The following BLOC1S5 variants were observed in gnomAD, a reference collection of about 807,000 sequenced individuals.
The protein encoded by BLOC1S5 is biogenesis of lysosomal organelles complex 1 subunit 5.
In BLOC1S5, 27 loss-of-function variants were observed where a neutral mutation model predicts 24.3. That is an observed-to-expected ratio of 1.11 (90% CI 0.82 to 1.53). BLOC1S5 has a LOEUF of 1.53. Among genes scored for constraint, BLOC1S5 ranks in the 40% most tolerant of loss-of-function variants. BLOC1S5 has a pLI of 0.00. For synonymous variants in BLOC1S5, 84 were observed against 74.5 expected, an observed-to-expected ratio of 1.13 and a Z score of -0.66; for missense variants, 239 against 229.4, an observed-to-expected ratio of 1.04 and a Z score of -0.27.
intron 3 of BLOC1S5, among the ~76,000 whole-genome samples, chr6:8,035,862 T>G (rs895871916): frequency 6.6e-6 from 1 of 152,094 alleles, no homozygotes; most frequent in Non-Finnish European, 1.5e-5. Context: ...ATTGGAGAGT[T>G]CAACTACAAA....
intron 3 of BLOC1S5, among the ~76,000 whole-genome samples, chr6:8,037,756 C>T (rs1371056863): frequency 6.6e-6 from 1 of 152,140 alleles, no homozygotes; most frequent in Non-Finnish European, 1.5e-5. Flanking sequence ...ACCAAATCAG[C>T]ATGATACCAG....
chr6:8,023,195 A>G (rs1762986889), intron 4 of BLOC1S5, among the ~76,000 whole-genome samples: 1 of 152,218 alleles, frequency 6.6e-6, no homozygotes, highest in African/African-American at 2.4e-5. Flanking sequence ...TATTGCTAAT[A>G]CCCAAAATGC....
chr6:8,013,590 C>T lies in BLOC1S5; in HGVS notation c.*2059G>A, dbSNP rs1762646072. 6.6e-6 allele frequency: 1 copy of T among 152,170 alleles called. No homozygotes were observed. Among genetic ancestry groups the T allele is most frequent in the Admixed American group, 6.5e-5 (1 of 15,268 alleles). 9.4% of individuals were successfully genotyped at this position (152,170 alleles called of 1,614,324 possible). On this transcript the variant is annotated 3_prime_UTR_variant, in exon 5 of 5. Coordinates refer to ENST00000397457, the MANE Select transcript of BLOC1S5 (RefSeq NM_201280.3). ...TATAGGGTAAAGTATTTATTATTCA[C>T]ATGAGATGAACACAAACTATCAGAA...
chr6:8,063,198 T>G (rs1757325877), intron 1 of BLOC1S5, among the ~76,000 whole-genome samples: 1 of 152,086 alleles, frequency 6.6e-6, no homozygotes, highest in African/African-American at 2.4e-5. Context: ...AACACCAAAT[T>G]CTGGATAGTG....
chr6:8,036,312 G>T (rs1341451919), intron 3 of BLOC1S5, among the ~76,000 whole-genome samples: 1 of 150,718 alleles, frequency 6.6e-6, no homozygotes, highest in Non-Finnish European at 1.5e-5. Context: ...CAAAAAATTA[G>T]GAGAAGGAAA....
intron 4 of BLOC1S5, among the ~76,000 whole-genome samples, chr6:8,019,249 G>A: frequency 6.7e-6 from 1 of 150,088 alleles, no homozygotes. Context: ...ACTTGTAATA[G>A]TAACTGCTAG....
At chr6:8,022,120 T>C (rs1762933694) in intron 4 of BLOC1S5, among the ~76,000 whole-genome samples, 1 of 151,880 alleles carries the variant, frequency 6.6e-6, no homozygotes, top group South Asian at 2.1e-4. Context: ...AAAACCACAC[T>C]TCTGCAGAGA....
chr6:8,018,053 A>C (rs1762802355), intron 4 of BLOC1S5: 1 of 152,278 alleles, frequency 6.6e-6, no homozygotes, highest in Non-Finnish European at 1.5e-5. Context: ...AATGTCAGTC[A>C]AACTTTGCTC....
chr6:8,032,797 A>G (rs1278956411), intron 3 of BLOC1S5, among the ~76,000 whole-genome samples: 2 of 152,236 alleles, frequency 1.3e-5, no homozygotes, highest in Middle Eastern at 6.3e-3. Flanking sequence ...TACAAAATCA[A>G]TGTACAAAAA....
At chr6:8,057,022 G>C (rs1026777466) in intron 2 of BLOC1S5, among the ~76,000 whole-genome samples, 1 of 152,098 alleles carries the variant, frequency 6.6e-6, no homozygotes, top group African/African-American at 2.4e-5. Context: ...TTCAAGACCA[G>C]CCTGGCCAAC....
intron 3 of BLOC1S5, among the ~76,000 whole-genome samples, chr6:8,031,228 C>T (rs1470774553): frequency 6.6e-6 from 1 of 152,144 alleles, no homozygotes; most frequent in African/African-American, 2.4e-5. Flanking sequence ...ACCTAAAAAA[C>T]CCTTAAGACT....
At chr6:8,036,757 TA>T (rs1486971948) in intron 3 of BLOC1S5, among the ~76,000 whole-genome samples, 1 of 152,090 alleles carries the variant, frequency 6.6e-6, no homozygotes, top group Non-Finnish European at 1.5e-5. Context: ...CTAATGAATG[TA>T]AAGGCAAAAA....
At position 8,015,506 on chromosome 6, in the gene BLOC1S5, T is replaced by C. The variant is rs1237681072; in HGVS notation, c.*143A>G. 5 of 795,054 alleles carry C rather than the reference T, an allele frequency of 6.3e-6. No homozygotes were observed. Among genetic ancestry groups the C allele is most frequent in the African/African-American group, 3.5e-5 (2 of 57,538 alleles). 49.2% of individuals were successfully genotyped at this position (795,054 alleles called of 1,614,324 possible). On this transcript the variant is annotated 3_prime_UTR_variant, in exon 5 of 5. Coordinates refer to ENST00000397457, the MANE Select transcript of BLOC1S5 (RefSeq NM_201280.3). ...TTTAAATATCCAATCAGAATGCCAG[T>C]AGAAACTTCTTTCTTCTGATATAAG...
Position 8,022,911 on chromosome 6 carries a change from G to A in BLOC1S5, c.384+3456C>T, listed in dbSNP as rs890758624. Among the ~76,000 whole-genome samples the A allele has an allele frequency of 2.0e-5, 3 of 152,172 alleles. No homozygotes were observed. The East Asian group carries it at 5.8e-4, about 29-fold the overall frequency. On this transcript the variant is annotated intron_variant, in intron 4 of 4. Coordinates refer to ENST00000397457, the MANE Select transcript of BLOC1S5 (RefSeq NM_201280.3). Reference sequence around the variant, plus strand: ...AAACTCTATTTAAAACAATGTACAAGCCATGTGAACTTGTTGCTCTCATGA... The same window carrying A: ...AAACTCTATTTAAAACAATGTACAAACCATGTGAACTTGTTGCTCTCATGA...
At chr6:8,061,486 T>G (rs1384286279) in intron 2 of BLOC1S5, among the ~76,000 whole-genome samples, 1 of 152,212 alleles carries the variant, frequency 6.6e-6, no homozygotes, top group Non-Finnish European at 1.5e-5. Flanking sequence ...AGTTAATTCC[T>G]AGGTCCCAGA....
chr6:8,017,407 CCT>C (rs1491112531), intron 4 of BLOC1S5, among the ~76,000 whole-genome samples: 2 of 151,596 alleles, frequency 1.3e-5, no homozygotes, highest in African/African-American at 4.8e-5. Context: ...CACACACACA[CCT>C]ACAAAGCACC....
Position 8,064,206 on chromosome 6 carries a change from G to A in BLOC1S5, c.112+59C>T, listed in dbSNP as rs1757367619. On this transcript the variant is annotated intron_variant, in intron 1 of 4. Coordinates refer to ENST00000397457, the MANE Select transcript of BLOC1S5 (RefSeq NM_201280.3). Reference sequence around the variant, plus strand: ...GGGTCGGCCCGGGTCAGAGGGCGCCGCCTGGGAGATGAGGCTGTGCTGGGA... The same window carrying A: ...GGGTCGGCCCGGGTCAGAGGGCGCCACCTGGGAGATGAGGCTGTGCTGGGA... 2.4e-5 allele frequency: 34 copies of A among 1,442,726 alleles called. No homozygotes were observed. The Middle Eastern group carries it at 5.3e-4, about 23-fold the overall frequency. The allele number at this position is 1,442,726 out of a possible 1,614,324, so 89.4% of individuals were successfully genotyped here.
At chr6:8,040,644 T>G (rs1438729716) in intron 3 of BLOC1S5, among the ~76,000 whole-genome samples, 2 of 151,710 alleles carry the variant, frequency 1.3e-5, no homozygotes, top group Non-Finnish European at 2.9e-5. Context: ...GGATCACGAG[T>G]CAAGAGATCA....
intron 3 of BLOC1S5, among the ~76,000 whole-genome samples, chr6:8,028,364 TA>T (rs200405748): frequency 1.4e-4 from 20 of 146,080 alleles, no homozygotes; most frequent in African/African-American, 2.0e-4. Context: ...AGAAAATATT[TA>T]AAAAAAAAAA....
Sources: gnomAD v4.1 joint callset for allele counts (sites outside exome capture counted in the v4.1 genomes callset) on GRCh38, gnomAD v4.1.1 for gene constraint, MANE v1.5 for transcripts, NCBI Gene and HGNC (gene_info 2026-07-23, HGNC 2026-07-21) for gene names.